Variants in BRD3 observed in about 807,000 individuals in gnomAD.
The protein encoded by BRD3 is bromodomain-containing protein 3.
In BRD3, 17 loss-of-function variants were observed where a neutral mutation model predicts 66.8. That is an observed-to-expected ratio of 0.25 (90% confidence interval 0.17 to 0.38). The LOEUF (loss-of-function observed/expected upper bound fraction) is 0.38, where lower values mean the gene tolerates loss of function less well. BRD3 is among the 10% of genes least tolerant of loss of function. BRD3 has a pLI of 1.00. For missense variants in BRD3, 713 were observed against 956.1 expected, an observed-to-expected ratio of 0.75 and a Z score of 3.35; for synonymous variants, 421 against 393.2, an observed-to-expected ratio of 1.07 and a Z score of -0.84.
intron 1 of BRD3, 65 bp downstream of exon 1, chr9:134,067,880 C>T (rs1257548474): frequency 2.8e-5 from 4 of 144,954 alleles, no homozygotes; most frequent in Non-Finnish European, 6.1e-5. Flanking sequence ...CCGGCCCAGC[C>T]CGGCCCGCCG....
At chr9:134,060,546 C>T (rs368715248) in intron 1 of BRD3, among the ~76,000 whole-genome samples, 8 of 151,802 alleles carry the variant, frequency 5.3e-5, no homozygotes, top group Admixed American at 1.3e-4. Flanking sequence ...CAGCTGTGAT[C>T]GCACTGCTGC....
At chr9:134,043,729 T>C (rs1355346992) in intron 7 of BRD3, among the ~76,000 whole-genome samples, 1 of 152,234 alleles carries the variant, frequency 6.6e-6, no homozygotes, top group Non-Finnish European at 1.5e-5. Context: ...GGGTCTCCTC[T>C]GTTGCCCAGG....
intron 9 of BRD3, among the ~76,000 whole-genome samples, chr9:134,039,714 G>A (rs1397912533): frequency 2.0e-5 from 3 of 152,158 alleles, no homozygotes; most frequent in African/African-American, 7.2e-5. Context: ...AGTCCAAAAC[G>A]GGGCGTTCAA....
At chr9:134,034,458 G>A in intron 11 of BRD3, 1 of 529,116 alleles carries the variant, frequency 1.9e-6, no homozygotes, top group South Asian at 2.5e-5. Context: ...TGTCTGTGGT[G>A]CCCTGGAATG....
chr9:134,042,776 T>C (rs890684347), intron 7 of BRD3, among the ~76,000 whole-genome samples: 3 of 119,964 alleles, frequency 2.5e-5, no homozygotes, highest in African/African-American at 6.3e-5. Flanking sequence ...CACACACACA[T>C]ATATATACAC....
chr9:134,058,667 C>T (rs775850267), intron 1 of BRD3: 1 of 152,266 alleles, frequency 6.6e-6, no homozygotes, highest in Non-Finnish European at 1.5e-5. Flanking sequence ...CACACCCCTA[C>T]CCCAGGGTCT....
chr9:134,037,878 T>C (rs1263336528), intron 9 of BRD3, among the ~76,000 whole-genome samples: 4 of 152,058 alleles, frequency 2.6e-5, no homozygotes, highest in African/African-American at 9.7e-5. Context: ...AATAGAGAAA[T>C]ACTAACCAAT....
At chr9:134,036,401 C>A in intron 9 of BRD3, 77 bp from the exon 10 acceptor site, 1 of 1,570,926 alleles carries the variant, frequency 6.4e-7, no homozygotes, top group East Asian at 2.2e-5. Context: ...ACACCCCTTC[C>A]TCCCAACAGC....
intron 9 of BRD3, chr9:134,036,562 T>A: frequency 6.2e-7 from 1 of 1,610,768 alleles, no homozygotes; most frequent in Non-Finnish European, 8.5e-7. Context: ...CCCATAGGCG[T>A]CTCAAACTCC....
At chr9:134,047,781 A>ACC (rs1830206401) in intron 6 of BRD3, among the ~76,000 whole-genome samples, 1 of 152,196 alleles carries the variant, frequency 6.6e-6, no homozygotes, top group East Asian at 1.9e-4. Context: ...AGCTCTAGGG[A>ACC]CCCCCTGACC....
intron 1 of BRD3, among the ~76,000 whole-genome samples, chr9:134,061,402 T>A (rs1830541779): frequency 6.6e-6 from 1 of 152,174 alleles, no homozygotes; most frequent in South Asian, 2.1e-4. Flanking sequence ...ATAGCATGAG[T>A]CTGGAGGAGC....
upstream of BRD3, chr9:134,068,445 C>T (rs1830718262): frequency 6.7e-6 from 1 of 150,162 alleles, no homozygotes; most frequent in Non-Finnish European, 1.5e-5. Flanking sequence ...CCGCGGGAGC[C>T]ACCCTCGAAC....
upstream of BRD3, chr9:134,068,344 G>A (rs1830716944): frequency 1.3e-5 from 2 of 149,328 alleles, no homozygotes; most frequent in Admixed American, 6.6e-5. Context: ...CGGGGACAGC[G>A]CCTGGCGGCG....
At chr9:134,051,875 G>GTGTGTGTGTGTGTGTGTGTGTA (rs1554829362) in intron 3 of BRD3, among the ~76,000 whole-genome samples, 166 bp from the exon 4 acceptor site, 2 of 101,012 alleles carry the variant, frequency 2.0e-5, no homozygotes, top group African/African-American at 8.1e-5. Flanking sequence ...GTGTGTGTGT[G>GTGTGTGTGTGTGTGTGTGTGTA]TGTTGTTTTT....
intron 1 of BRD3, among the ~76,000 whole-genome samples, chr9:134,059,855 C>CGCA (rs1042808165): frequency 5.9e-5 from 9 of 152,128 alleles, no homozygotes; most frequent in African/African-American, 2.2e-4. Flanking sequence ...AGCAGCCTGT[C>CGCA]GCAGCAGCAG....
chr9:134,046,715 C>G lies in BRD3; in HGVS notation c.1087-1294G>C, dbSNP rs1830177288. 1.3e-5 allele frequency among the ~76,000 whole-genome samples: 2 copies of G among 152,344 alleles called. 1 individual carries two copies. The highest frequency in any genetic ancestry group is 4.1e-4 in the South Asian group (2 of 4,830). ...ATTCACTGCCCCTTTTCCGCAGCGT[C>G]CGGGCCACAGTCGCGGGCAGCAAGT... On this transcript the variant is annotated intron_variant, in intron 6 of 11. Coordinates refer to ENST00000303407, the MANE Select transcript of BRD3 (RefSeq NM_007371.4).
At position 134,032,259 on chromosome 9, in the gene BRD3, T is replaced by C. The variant is rs564212570; in HGVS notation, c.*1331A>G. 2 of 217,420 alleles carry C rather than the reference T, an allele frequency of 9.2e-6. No homozygotes were observed. Among genetic ancestry groups the C allele is most frequent in the South Asian group, 3.7e-4 (2 of 5,392 alleles). 13.5% of individuals were successfully genotyped at this position (217,420 alleles called of 1,614,324 possible). ...GTTAAAAATCAAGACTTAGATTTACTATACATTTTTTCTCTCAGATTACAA... is the reference window on the plus strand; with the variant it reads ...GTTAAAAATCAAGACTTAGATTTACCATACATTTTTTCTCTCAGATTACAA... On this transcript the variant is annotated 3_prime_UTR_variant, in exon 12 of 12. Coordinates refer to ENST00000303407, the MANE Select transcript of BRD3 (RefSeq NM_007371.4).
At chr9:134,036,358 T>C in intron 9 of BRD3, 34 bp from the exon 10 acceptor site, 7 of 1,573,366 alleles carry the variant, frequency 4.4e-6, no homozygotes, top group Non-Finnish European at 6.0e-6. Flanking sequence ...TGGTGTTGAG[T>C]CTCCGTCTAC....
At chr9:134,058,157 A>C (rs926614704) in intron 1 of BRD3, 6 of 152,340 alleles carry the variant, frequency 3.9e-5, no homozygotes, top group African/African-American at 1.4e-4. Context: ...GCCCATGCGC[A>C]GGCATGAGAG....
Sources: gnomAD v4.1 joint callset for allele counts (sites outside exome capture counted in the v4.1 genomes callset) on GRCh38, gnomAD v4.1.1 for gene constraint, MANE v1.5 for transcripts, NCBI Gene and HGNC (gene_info 2026-07-23, HGNC 2026-07-21) for gene names.